The following CFAP53 variants were observed in gnomAD, a reference collection of about 807,000 sequenced individuals.
CFAP53 encodes the protein cilia- and flagella-associated protein 53.
CFAP53 carries 62 observed loss-of-function variants against 59.7 expected under a neutral mutation model. That is an observed-to-expected ratio of 1.04 (90% CI 0.85 to 1.28). CFAP53 has a LOEUF of 1.28. Ranked by LOEUF, CFAP53 falls within the 50% of genes most tolerant of loss-of-function variation. CFAP53 has a pLI of 0.00. For missense variants in CFAP53, 629 were observed against 615.6 expected, an observed-to-expected ratio of 1.02 and a Z score of -0.23; for synonymous variants, 218 against 205.7, an observed-to-expected ratio of 1.06 and a Z score of -0.51.
intron 7 of CFAP53, among the ~76,000 whole-genome samples, chr18:50,228,733 G>A (rs2144398103): frequency 6.6e-6 from 1 of 152,292 alleles, no homozygotes; most frequent in South Asian, 2.1e-4. Flanking sequence ...GGAGGTTGCA[G>A]TGAGCCAAGA....
At chr18:50,264,564 T>C (rs2033920274) in intron 1 of CFAP53, among the ~76,000 whole-genome samples, 1 of 152,224 alleles carries the variant, frequency 6.6e-6, no homozygotes, top group Admixed American at 6.5e-5. Context: ...AGGTTTCTCC[T>C]GGGGAATTGT....
At chr18:50,251,414 A>C (rs2033797874) in intron 4 of CFAP53, 67 bp downstream of exon 4, 10 of 1,369,326 alleles carry the variant, frequency 7.3e-6, no homozygotes, top group Non-Finnish European at 1.0e-5. Flanking sequence ...CTGTACTGTA[A>C]CAGGCCTGCA....
At chr18:50,253,023 T>C (rs1220176264) in intron 3 of CFAP53, among the ~76,000 whole-genome samples, 2 of 151,802 alleles carry the variant, frequency 1.3e-5, no homozygotes, top group Non-Finnish European at 2.9e-5. Flanking sequence ...TGTTTCTTTT[T>C]TTTTTTTTTT....
chr18:50,241,340 C>T (rs1394000507), intron 6 of CFAP53, among the ~76,000 whole-genome samples: 1 of 152,134 alleles, frequency 6.6e-6, no homozygotes, highest in Non-Finnish European at 1.5e-5. Flanking sequence ...GAGATGTGAG[C>T]AAGCCACAGT....
rs755904839 is a variant in CFAP53 at position 50,250,869 on chromosome 18, C to T, written c.885G>A (p.Arg295=). ...TGTATTCCTGCTGAATATGTTCTAT[C>T]CTCTCTTGTAGGGCTTTTTGCAAAA... ...RTILQKALQE[R]IEHIQQEYRD... is the part of the protein sequence containing the mutation. The change falls in exon 5 of 8, where the codon AGG becomes AGA. Residue 295 remains arginine, a synonymous_variant. Coordinates refer to ENST00000398545, the MANE Select transcript of CFAP53 (RefSeq NM_145020.5). 13 of 1,614,178 alleles carry T rather than the reference C, an allele frequency of 8.1e-6. No homozygotes were observed. The highest frequency in any genetic ancestry group is 2.2e-5 in the South Asian group (2 of 91,088).
chr18:50,229,095 A>C (rs1459641421), intron 7 of CFAP53, among the ~76,000 whole-genome samples: 1 of 152,196 alleles, frequency 6.6e-6, no homozygotes, highest in African/African-American at 2.4e-5. Flanking sequence ...CAAAAAACAA[A>C]AACAAAAACA....
At chr18:50,228,789 C>T (rs1467098690) in intron 7 of CFAP53, among the ~76,000 whole-genome samples, 1 of 151,924 alleles carries the variant, frequency 6.6e-6, no homozygotes, top group Non-Finnish European at 1.5e-5. Context: ...CAAACTCCAT[C>T]TCAAAAACAA....
chr18:50,229,083 G>A (rs1018745592), intron 7 of CFAP53, among the ~76,000 whole-genome samples: 1 of 152,078 alleles, frequency 6.6e-6, no homozygotes, highest in Non-Finnish European at 1.5e-5. Context: ...GCAAGACCTT[G>A]TCAAAAAACA....
chr18:50,249,658 C>T (rs1417647937), intron 5 of CFAP53, among the ~76,000 whole-genome samples: 1 of 152,062 alleles, frequency 6.6e-6, no homozygotes, highest in Non-Finnish European at 1.5e-5. Context: ...ACTAATATAA[C>T]ATTCCCAAAA....
At chr18:50,234,614 A>G (rs993756987) in intron 7 of CFAP53, among the ~76,000 whole-genome samples, 10 of 152,114 alleles carry the variant, frequency 6.6e-5, no homozygotes, top group African/African-American at 2.4e-4. Flanking sequence ...TGTGGATCCA[A>G]CATTTTTCCA....
intron 6 of CFAP53, 31 bp from the exon 7 acceptor site, chr18:50,238,736 A>G (rs1382328616): frequency 1.3e-6 from 2 of 1,538,554 alleles, no homozygotes; most frequent in Non-Finnish European, 1.8e-6. Flanking sequence ...TATATGTCAA[A>G]TGACTTTCAG....
In CFAP53 at chr18:50,243,026, T is replaced by C; in HGVS notation, c.1087A>G (p.Ile363Val). ...TTCTTTGCCTTGTCTTCCTCTAATA[T>C]TCTGTCAAATTCTTTCTCCTGAGCT... ...EKAQEKEFDR[I>V]LEEDKAKKLA... The change falls in exon 6 of 8, where the codon ATA becomes GTA. Residue 363 changes from isoleucine to valine, a missense_variant. By Grantham distance (29) the Ile-to-Val change is conservative. Transcript: ENST00000398545. 3 of 1,614,014 alleles carry C rather than the reference T, an allele frequency of 1.9e-6. No homozygotes were observed. Among genetic ancestry groups the C allele is most frequent in the Non-Finnish European group, 2.5e-6 (3 of 1,179,988 alleles).
At chr18:50,246,611 T>C (rs572776628) in intron 5 of CFAP53, among the ~76,000 whole-genome samples, 1 of 152,198 alleles carries the variant, frequency 6.6e-6, no homozygotes, top group South Asian at 2.1e-4. Context: ...CAAAAGAAAA[T>C]ATAGCTAAAT....
rs1194484480 is a variant in CFAP53, at chr18:50,242,927, T to C, written c.1186A>G (p.Thr396Ala). Reference protein sequence around the residue: ...RRQLVDEVMCTRKLQVQEKLQ... With the variant: ...RRQLVDEVMCARKLQVQEKLQ... Reference sequence around the variant, plus strand: ...TTTTCTTGAACTTGAAGTTTTCTTGTACACATGACCTCATCCACAAGCTGT... The same window carrying C: ...TTTTCTTGAACTTGAAGTTTTCTTGCACACATGACCTCATCCACAAGCTGT... The change falls in exon 6 of 8, where the codon ACA (threonine) becomes GCA (alanine). Residue 396 changes from threonine to alanine, a missense_variant. Transcript: ENST00000398545. 39 of 1,613,642 alleles carry C rather than the reference T, an allele frequency of 2.4e-5. No individual in the cohort carries two copies. Among genetic ancestry groups the C allele is most frequent in the Non-Finnish European group, 3.1e-5 (37 of 1,179,994 alleles).
chr18:50,261,382 GTTTT>G (rs548989445), intron 2 of CFAP53, 145 bp from the exon 3 acceptor site: 25 of 985,878 alleles, frequency 2.5e-5, no homozygotes, highest in Middle Eastern at 3.4e-4. Context: ...TGGTTGGTTT[GTTTT>G]TTTGTTTTTG....
intron 1 of CFAP53, among the ~76,000 whole-genome samples, chr18:50,263,711 T>C (rs1038575654): frequency 6.6e-6 from 1 of 152,104 alleles, no homozygotes; most frequent in Non-Finnish European, 1.5e-5. Flanking sequence ...GAATTAAGGG[T>C]CCCAGTGTGA....
chr18:50,229,470 TTATC>T (rs2033558446), intron 7 of CFAP53, among the ~76,000 whole-genome samples: 1 of 152,234 alleles, frequency 6.6e-6, no homozygotes, highest in African/African-American at 2.4e-5. Context: ...CATGTTTTGT[TTATC>T]TATTCATTTC....
At chr18:50,240,764 T>G (rs2033683240) in intron 6 of CFAP53, among the ~76,000 whole-genome samples, 1 of 152,236 alleles carries the variant, frequency 6.6e-6, no homozygotes, top group African/African-American at 2.4e-5. Flanking sequence ...CTACTGCTAT[T>G]GTAATTCCTG....
At chr18:50,262,473 A>G (rs764720655) in intron 1 of CFAP53, among the ~76,000 whole-genome samples, 15 of 152,236 alleles carry the variant, frequency 9.9e-5, no homozygotes, top group Non-Finnish European at 2.1e-4. Flanking sequence ...GATGGAAATT[A>G]CAAAGTTAAA....
Sources: allele counts gnomAD v4.1 joint callset (sites outside exome capture counted in the v4.1 genomes callset), GRCh38; gene constraint gnomAD v4.1.1; transcripts MANE v1.5; gene names NCBI Gene and HGNC (gene_info 2026-07-23, HGNC 2026-07-21).